DPH6: variants seen among roughly 807,000 people sequenced by gnomAD.
The protein encoded by DPH6 is diphthine--ammonia ligase.
A neutral mutation model predicts 38.2 loss-of-function variants in DPH6; 33 were observed. The observed-to-expected ratio is 0.86, with a 90% CI of 0.65 to 1.15. DPH6 has a LOEUF of 1.15. Ranked by LOEUF, DPH6 falls within the 50% of genes most tolerant of loss-of-function variation. DPH6 has a pLI of 0.00. For synonymous variants in DPH6, 108 were observed against 103.0 expected (o/e 1.05, Z -0.30); for missense variants, 325 against 320.0 (o/e 1.02, Z -0.12).
At chr15:35,434,501 A>C (rs916658743) in intron 5 of DPH6, among the ~76,000 whole-genome samples, 1 of 152,214 alleles carries the variant, frequency 6.6e-6, no homozygotes, top group Non-Finnish European at 1.5e-5. Flanking sequence ...TTAATTGATT[A>C]TATCAGTAAA....
chr15:35,392,645 T>C (rs1282194095), intron 6 of DPH6, among the ~76,000 whole-genome samples: 1 of 152,228 alleles, frequency 6.6e-6, no homozygotes, highest in Non-Finnish European at 1.5e-5. Flanking sequence ...AAACAGCTTA[T>C]TGTCTTGTAT....
At chr15:35,330,508 A>G (rs2052319262), downstream of DPH6, among the ~76,000 whole-genome samples, 2 of 152,184 alleles carry the variant, frequency 1.3e-5, no homozygotes, top group South Asian at 4.1e-4. Flanking sequence ...AATGAGATTT[A>G]TGGCCACTGA....
At chr15:35,259,843 A>C (rs2051734432) in intron 3 of DPH6, among the ~76,000 whole-genome samples, 1 of 152,222 alleles carries the variant, frequency 6.6e-6, no homozygotes, top group African/African-American at 2.4e-5. Flanking sequence ...TAATATGTTG[A>C]ACACGACAAA....
intron 3 of DPH6, chr15:35,283,090 TTTC>T (rs778085864): frequency 2.0e-4 from 32 of 160,286 alleles, no homozygotes; most frequent in East Asian, 7.3e-4. Context: ...TTCTTCCTTC[TTTC>T]TTCTTCTTCT....
chr15:35,210,790 G>A, the DPH6 span, among the ~76,000 whole-genome samples: 1 of 152,044 alleles, frequency 6.6e-6, no homozygotes, highest in African/African-American at 2.4e-5. Flanking sequence ...TGTTCCTCAA[G>A]GGTGGCACTG....
chr15:35,199,391 T>G, the DPH6 span, among the ~76,000 whole-genome samples: 4 of 152,240 alleles, frequency 2.6e-5, no homozygotes, highest in African/African-American at 9.6e-5. Flanking sequence ...CTCAGTCATT[T>G]GTGTATCCCA....
At chr15:35,545,253 T>C (rs1396114211) in intron 1 of DPH6, among the ~76,000 whole-genome samples, 1 of 152,248 alleles carries the variant, frequency 6.6e-6, no homozygotes, top group African/African-American at 2.4e-5. Flanking sequence ...AACTTTTTAA[T>C]GTTGCTAGTG....
At chr15:35,348,597 C>T (rs773320239) in intron 3 of DPH6, among the ~76,000 whole-genome samples, 2 of 151,864 alleles carry the variant, frequency 1.3e-5, no homozygotes, top group Non-Finnish European at 1.5e-5. Context: ...GCTTTGTTTT[C>T]GTTATTGAAA....
At chr15:35,367,674 T>C (rs1449024898), downstream of DPH6, among the ~76,000 whole-genome samples, 1 of 151,826 alleles carries the variant, frequency 6.6e-6, no homozygotes. Flanking sequence ...TTTACATTCA[T>C]ATAAATAATT....
the DPH6 span, among the ~76,000 whole-genome samples, chr15:35,154,162 T>C: frequency 3.9e-5 from 6 of 152,118 alleles, no homozygotes; most frequent in Non-Finnish European, 8.8e-5. Flanking sequence ...ACAAAACAGC[T>C]GGAAGAGGGT....
At chr15:35,176,472 G>GACTTTTTT in the DPH6 span, among the ~76,000 whole-genome samples, 1 of 131,992 alleles carries the variant, frequency 7.6e-6, no homozygotes. Flanking sequence ...CAGTTGTAAG[G>GACTTTTTT]TCTTTTTTTT....
At chr15:35,312,850 G>T (rs1011408608) in intron 3 of DPH6, among the ~76,000 whole-genome samples, 15 of 152,150 alleles carry the variant, frequency 9.9e-5, no homozygotes, top group African/African-American at 3.1e-4. Context: ...ATTCATATCT[G>T]GGTTCTCTAG....
At chr15:35,282,614 TG>T in intron 3 of DPH6, 1 of 395,236 alleles carries the variant, frequency 2.5e-6, no homozygotes. Context: ...TGAGCCAATC[TG>T]GGAGCAGATT....
chr15:35,185,753 C>G, the DPH6 span, among the ~76,000 whole-genome samples: 1 of 109,142 alleles, frequency 9.2e-6, no homozygotes, highest in African/African-American at 3.6e-5. Flanking sequence ...TTTTTTGATA[C>G]GGAGTCTGTC....
intron 8 of DPH6, among the ~76,000 whole-genome samples, chr15:35,372,597 A>G (rs549803860): frequency 6.6e-6 from 1 of 151,930 alleles, no homozygotes; most frequent in African/African-American, 2.4e-5. Flanking sequence ...AAGGTCACCA[A>G]TAGTCATCAT....
At chr15:35,266,268 A>G (rs1348204993) in intron 3 of DPH6, among the ~76,000 whole-genome samples, 2 of 152,150 alleles carry the variant, frequency 1.3e-5, no homozygotes, top group Non-Finnish European at 2.9e-5. Flanking sequence ...TCAGTCTATC[A>G]AAGTTTGAAG....
At chr15:35,484,046 G>A (rs1359696338) in intron 3 of DPH6, among the ~76,000 whole-genome samples, 1 of 152,150 alleles carries the variant, frequency 6.6e-6, no homozygotes, top group Non-Finnish European at 1.5e-5. Context: ...AAGAGTGACT[G>A]CAAATTGGCA....
chr15:35,342,486 GT>G (rs1375754345), intron 3 of DPH6, among the ~76,000 whole-genome samples: 1 of 152,176 alleles, frequency 6.6e-6, no homozygotes, highest in African/African-American at 2.4e-5. Context: ...TTCTCCGTAG[GT>G]TGAGTTGTTT....
chr15:35,436,399 GA>G (rs2053705168), intron 5 of DPH6, among the ~76,000 whole-genome samples: 1 of 151,728 alleles, frequency 6.6e-6, no homozygotes, highest in African/African-American at 2.4e-5. Flanking sequence ...CAGGGAGGCG[GA>G]GCTTGCAATG....
Sources: allele counts gnomAD v4.1 joint callset (sites outside exome capture counted in the v4.1 genomes callset), GRCh38; gene constraint gnomAD v4.1.1; transcripts MANE v1.5; gene names NCBI Gene and HGNC (gene_info 2026-07-23, HGNC 2026-07-21).